The following FHL1 variants were observed in gnomAD, a reference collection of about 807,000 sequenced individuals.
FHL1 encodes four and a half LIM domains protein 1.
FHL1 carries 1 observed loss-of-function variant against 20.3 expected under a neutral mutation model. The observed-to-expected ratio is 0.05, with a 90% confidence interval of 0.02 to 0.23. FHL1 has a LOEUF of 0.23. Among genes scored for constraint, FHL1 ranks in the 10% least tolerant of loss-of-function variants. FHL1 has a pLI of 1.00. For missense variants in FHL1, 177 were observed against 234.0 expected, an observed-to-expected ratio of 0.76 and a Z score of 1.59; for synonymous variants, 82 against 88.9, an observed-to-expected ratio of 0.92 and a Z score of 0.44.
chrX:136,209,455 C>A, intron 5 of FHL1: 4 of 1,207,741 alleles, frequency 3.3e-6, no homozygotes, highest in Non-Finnish European at 4.5e-6. Context: ...AAGTGCACAC[C>A]CCACGAACAG....
At chrX:136,160,861 T>C in intron 1 of FHL1, among the ~76,000 whole-genome samples, 1 of 110,881 alleles carries the variant, frequency 9.0e-6, no homozygotes, top group Non-Finnish European at 1.9e-5. Flanking sequence ...AAAAATAACC[T>C]CTCCCTCAAG....
At chrX:136,159,865 T>A (rs1288548655) in intron 1 of FHL1, among the ~76,000 whole-genome samples, 1 of 111,866 alleles carries the variant, frequency 8.9e-6, no homozygotes, top group East Asian at 2.8e-4. Flanking sequence ...GCATTTGTGG[T>A]ATCATTAGCA....
At chrX:136,171,850 TTC>T (rs2072876099) in intron 2 of FHL1, among the ~76,000 whole-genome samples, 1 of 105,909 alleles carries the variant, frequency 9.4e-6, no homozygotes, top group African/African-American at 3.4e-5. Flanking sequence ...ATCTGCTAAA[TTC>T]TGTTTTTTTT....
intron 1 of FHL1, among the ~76,000 whole-genome samples, chrX:136,161,766 T>A (rs1180864209): frequency 1.8e-5 from 2 of 111,719 alleles, no homozygotes; most frequent in African/African-American, 3.3e-5. Flanking sequence ...ATCCAGTGCT[T>A]ACTCTAAGGA....
intron 2 of FHL1, among the ~76,000 whole-genome samples, chrX:136,175,999 G>A (rs2072992994): frequency 8.9e-6 from 1 of 112,060 alleles, no homozygotes; most frequent in African/African-American, 3.2e-5. Flanking sequence ...CCTGTCTAGA[G>A]CCTAAACATG....
chrX:136,206,957 C>T (rs984770178), intron 2 of FHL1, 59 bp from the exon 3 acceptor site: 1 of 1,167,846 alleles, frequency 8.6e-7, no homozygotes, highest in African/African-American at 1.8e-5. Context: ...TATGGGAGGG[C>T]TCCTGCCACC....
Position 136,210,539 on chromosome X carries a change from G to C in FHL1, c.*514G>C, listed in dbSNP as rs2073986014. The C allele has an allele frequency of 5.1e-6, 2 of 389,288 alleles. No individual in the cohort carries two copies. Among genetic ancestry groups the C allele is most frequent in the African/African-American group, 4.9e-5 (2 of 40,716 alleles). 32.1% of individuals were successfully genotyped at this position (389,288 alleles called of 1,213,427 possible). A position where few individuals can be genotyped will look rare whatever the true frequency, so the allele number is the denominator to read the frequency against. On this transcript the variant is annotated 3_prime_UTR_variant, in exon 6 of 6. Coordinates refer to ENST00000370683, the MANE Select transcript of FHL1 (RefSeq NM_001159699.2). The stretch of plus-strand genomic sequence containing the variant: ...TCATCAGAACTCTGCCCTTCCTTCT[G>C]TTCTTTTGTGCTTTCAAATAACTAA...
At chrX:136,168,488 A>C (rs779222401), upstream of FHL1, among the ~76,000 whole-genome samples, 5 of 112,204 alleles carry the variant, frequency 4.5e-5, no homozygotes, top group Non-Finnish European at 9.4e-5. Context: ...ATATGAAGAT[A>C]CTGTCTCTAC....
At chrX:136,150,024 A>G (rs1285614497) in intron 1 of FHL1, among the ~76,000 whole-genome samples, 1 of 111,903 alleles carries the variant, frequency 8.9e-6, no homozygotes, top group East Asian at 2.8e-4. Flanking sequence ...TACAGAGAGA[A>G]GCATGTTGAT....
intron 2 of FHL1, among the ~76,000 whole-genome samples, chrX:136,178,725 C>A (rs2073073801): frequency 9.2e-6 from 1 of 108,374 alleles, no homozygotes; most frequent in South Asian, 4.1e-4. Context: ...ATCTCTTAAA[C>A]CATGTGTGAG....
chrX:136,210,820 AT>A lies in FHL1; in HGVS notation c.*800del. On this transcript the variant is annotated 3_prime_UTR_variant, in exon 6 of 6. Transcript: ENST00000370683. ...GTCCTTTTTATTGTTTTTAATTAATATTTTTGTTTTAATTGATAGCAAAATA... is the reference window on the plus strand; with the variant it reads ...GTCCTTTTTATTGTTTTTAATTAATATTTTGTTTTAATTGATAGCAAAATA... 2.6e-6 allele frequency: 1 copy of A among 385,047 alleles called. No individual in the cohort carries two copies. Among genetic ancestry groups the A allele is most frequent in the Non-Finnish European group, 4.9e-6 (1 of 204,312 alleles). 31.7% of individuals were successfully genotyped at this position (385,047 alleles called of 1,213,427 possible). A position where few individuals can be genotyped will look rare whatever the true frequency, so the allele number is the denominator to read the frequency against.
Position 136,208,614 on chromosome X carries a change from T to C in FHL1, c.709T>C (p.Cys237Arg), listed in dbSNP as rs746454652. 2 of 1,211,258 alleles carry C rather than the reference T, an allele frequency of 1.7e-6. No homozygotes were observed. Among genetic ancestry groups the C allele is most frequent in the South Asian group, 1.8e-5 (1 of 56,954 alleles). Residue 237 changes from cysteine to arginine, a missense_variant, in exon 5 of 6, where the codon TGT becomes CGT. Coordinates refer to ENST00000370683, the MANE Select transcript of FHL1 (RefSeq NM_001159699.2). The stretch of plus-strand genomic sequence containing the variant: ...CTACAAGAACTTTGTGGCCAAGAAG[T>C]GTGCTGGATGCAAGAACCCCATCAC... ...DCYKNFVAKKCAGCKNPITGF... is the reference protein window; with the variant it reads ...DCYKNFVAKKRAGCKNPITGF...
At chrX:136,190,491 C>G (rs187079120) in intron 2 of FHL1, among the ~76,000 whole-genome samples, 2 of 111,672 alleles carry the variant, frequency 1.8e-5, no homozygotes, top group Non-Finnish European at 3.8e-5. Context: ...AAGAACGATT[C>G]GCGAATCAGG....
At chrX:136,201,640 A>C (rs867590262) in intron 1 of FHL1, among the ~76,000 whole-genome samples, 3 of 110,629 alleles carry the variant, frequency 2.7e-5, no homozygotes, top group South Asian at 3.9e-4. Flanking sequence ...TTAGCGAGAG[A>C]TAGTTTAACA....
At chrX:136,178,921 A>C (rs969188652) in intron 2 of FHL1, among the ~76,000 whole-genome samples, 2 of 109,818 alleles carry the variant, frequency 1.8e-5, no homozygotes, top group East Asian at 2.9e-4. Context: ...GGCCTGGATA[A>C]TTTTTTGGTA....
upstream of FHL1, among the ~76,000 whole-genome samples, chrX:136,193,097 AC>A (rs1186835536): frequency 2.8e-5 from 3 of 106,832 alleles, no homozygotes; most frequent in African/African-American, 6.8e-5. Flanking sequence ...AAAAAAAAAA[AC>A]AACTGGACAT....
intron 1 of FHL1, among the ~76,000 whole-genome samples, chrX:136,153,623 T>G (rs1450419771): frequency 9.0e-6 from 1 of 111,616 alleles, no homozygotes; most frequent in East Asian, 2.8e-4. Context: ...CTTTTGAAAA[T>G]CAAATTTTTC....
intron 5 of FHL1, 96 bp from the exon 6 acceptor site, chrX:136,209,775 G>C: frequency 9.9e-7 from 1 of 1,014,274 alleles, no homozygotes; most frequent in Non-Finnish European, 1.4e-6. Context: ...GAGTGGGGCA[G>C]GTCGTCATTT....
At chrX:136,196,912 C>T (rs1188196976), upstream of FHL1, 7 of 1,110,064 alleles carry the variant, frequency 6.3e-6, no homozygotes, top group South Asian at 1.4e-4. Context: ...ATTCTTCTCC[C>T]TTGGATCACC....
Sources: gnomAD v4.1 joint callset for allele counts (sites outside exome capture counted in the v4.1 genomes callset) on GRCh38, gnomAD v4.1.1 for gene constraint, MANE v1.5 for transcripts, NCBI Gene and HGNC (gene_info 2026-07-23, HGNC 2026-07-21) for gene names.